The following HERC3 variants were observed in gnomAD, a reference collection of about 807,000 sequenced individuals.
HERC3 encodes probable E3 ubiquitin-protein ligase HERC3.
Under a neutral mutation model 129.9 loss-of-function variants are expected in HERC3, and 58 were observed. The observed-to-expected ratio is 0.45, with a 90% CI of 0.36 to 0.56. HERC3 has a LOEUF of 0.56. HERC3 is among the 20% of genes least tolerant of loss of function. HERC3 has a pLI of 0.00. For synonymous variants in HERC3, 430 were observed against 451.0 expected (o/e 0.95, Z 0.59); for missense variants, 835 against 1,244.2 (o/e 0.67, Z 4.95).
chr4:88,670,235 T>C lies in HERC3; in HGVS notation c.1894T>C (p.Leu632=). The C allele has an allele frequency of 6.2e-7, 1 of 1,609,160 alleles. No individual in the cohort carries two copies. Among genetic ancestry groups the C allele is most frequent in the Non-Finnish European group, 8.5e-7 (1 of 1,175,582 alleles). The change falls in exon 16 of 26, where the codon TTG becomes CTG. Residue 632 remains leucine (L), a synonymous_variant. Transcript: ENST00000402738. ...TCAGGAAGACTACCTCATGTGGTTC[T>C]TGCATCAAGCAGGGATGGTAAGAAT... ...DIQEDYLMWF[L]HQAGMKARPS...
chr4:88,671,316 T>C (rs1368156100), intron 16 of HERC3, among the ~76,000 whole-genome samples: 1 of 152,126 alleles, frequency 6.6e-6, no homozygotes, highest in African/African-American at 2.4e-5. Flanking sequence ...AGGGCAATAT[T>C]TTTCCTGTGG....
At chr4:88,558,097 A>C in the HERC3 span, among the ~76,000 whole-genome samples, 1 of 149,386 alleles carries the variant, frequency 6.7e-6, no homozygotes, top group Non-Finnish European at 1.5e-5. Flanking sequence ...AAAAAAAAAG[A>C]AAAAAAGAAC....
In HERC3 at chr4:88,664,205, G is replaced by C; in HGVS notation, c.1324G>C (p.Glu442Gln). 6.2e-7 allele frequency: 1 copy of C among 1,612,490 alleles called. No homozygotes were observed. The highest frequency in any genetic ancestry group is 8.5e-7 in the Non-Finnish European group (1 of 1,179,014). Residue 442 changes from glutamate (E) to glutamine (Q), a missense_variant, in exon 12 of 26, where the codon GAA becomes CAA. Transcript: ENST00000402738. ...SAACWNGSFL[E>Q]KKIDEHFKTS... Reference sequence around the variant, plus strand: ...AGCCTGTTGGAATGGAAGTTTTCTTGAAAAAAAGTAAGTGACTTAGAGCCT... The same window carrying C: ...AGCCTGTTGGAATGGAAGTTTTCTTCAAAAAAAGTAAGTGACTTAGAGCCT...
At chr4:88,548,658 T>C in the HERC3 span, among the ~76,000 whole-genome samples, 2 of 151,726 alleles carry the variant, frequency 1.3e-5, no homozygotes, top group Non-Finnish European at 2.9e-5. Flanking sequence ...CTGTGGGTCA[T>C]CTTTTCTTTT....
In HERC3 at chr4:88,672,284, CT is replaced by C. The variant is rs368173536; in HGVS notation, c.1911+2034del. 1.6e-3 allele frequency among the ~76,000 whole-genome samples: 251 copies of C among 152,258 alleles called. 1 individual carries two copies. In the South Asian group the frequency reaches 0.019, roughly 12 times the overall value. Reference sequence around the variant, plus strand: ...TAAGTAACTTTTACAATATTTTAAACTTCCTTTCTTTTAACATTTGATAAAT... The same window carrying C: ...TAAGTAACTTTTACAATATTTTAAACTCCTTTCTTTTAACATTTGATAAAT... On this transcript the variant is annotated intron_variant, in intron 16 of 25. Coordinates refer to ENST00000402738, the MANE Select transcript of HERC3 (RefSeq NM_014606.3).
intron 10 of HERC3, among the ~76,000 whole-genome samples, chr4:88,661,392 A>G (rs1254220992): frequency 1.3e-5 from 2 of 152,372 alleles, no homozygotes; most frequent in Admixed American, 6.5e-5. Flanking sequence ...CCTTCCTACC[A>G]TAATGATACG....
chr4:88,581,390 C>T, the HERC3 span, among the ~76,000 whole-genome samples: 1 of 151,646 alleles, frequency 6.6e-6, no homozygotes, highest in African/African-American at 2.4e-5. Flanking sequence ...AACTGCCTCC[C>T]AGGTTCAAGT....
At chr4:88,577,898 C>T in the HERC3 span, among the ~76,000 whole-genome samples, 1 of 152,126 alleles carries the variant, frequency 6.6e-6, no homozygotes, top group African/African-American at 2.4e-5. Context: ...CTTTAGAGAT[C>T]ATTAAATACA....
At chr4:88,598,845 G>A (rs571967467) in intron 2 of HERC3, among the ~76,000 whole-genome samples, 1 of 152,328 alleles carries the variant, frequency 6.6e-6, no homozygotes, top group Non-Finnish European at 1.5e-5. Flanking sequence ...ACTCAGGAAA[G>A]TGCCAGGTTG....
the HERC3 span, among the ~76,000 whole-genome samples, chr4:88,526,707 T>C: frequency 6.6e-6 from 1 of 152,086 alleles, no homozygotes; most frequent in African/African-American, 2.4e-5. Flanking sequence ...AGCTAATTTT[T>C]GTATTTTTTG....
the HERC3 span, among the ~76,000 whole-genome samples, chr4:88,531,607 T>A: frequency 6.6e-6 from 1 of 152,186 alleles, no homozygotes; most frequent in African/African-American, 2.4e-5. Context: ...AGATGAGCTG[T>A]TGCTCTCTCA....
chr4:88,641,534 A>G (rs1378175293), intron 3 of HERC3, among the ~76,000 whole-genome samples: 1 of 152,216 alleles, frequency 6.6e-6, no homozygotes, highest in Non-Finnish European at 1.5e-5. Context: ...CTTTGAAAAG[A>G]TCAATAAAAT....
At chr4:88,546,820 T>G in the HERC3 span, among the ~76,000 whole-genome samples, 1 of 152,232 alleles carries the variant, frequency 6.6e-6, no homozygotes, top group Non-Finnish European at 1.5e-5. Flanking sequence ...GAATCTAATG[T>G]ATTTAGCCTC....
the HERC3 span, among the ~76,000 whole-genome samples, chr4:88,552,704 A>G: frequency 4.6e-5 from 7 of 152,374 alleles, no homozygotes; most frequent in African/African-American, 1.2e-4. Context: ...ACACAACAGC[A>G]TAATAAAATC....
At chr4:88,532,187 A>C in the HERC3 span, among the ~76,000 whole-genome samples, 1 of 152,226 alleles carries the variant, frequency 6.6e-6, no homozygotes, top group South Asian at 2.1e-4. Context: ...ATAGATATCT[A>C]TATAGATATA....
chr4:88,704,863 C>CTTTCTTTCTTTTTTTT (rs1336673525), intron 25 of HERC3, among the ~76,000 whole-genome samples: 2 of 130,672 alleles, frequency 1.5e-5, no homozygotes, highest in African/African-American at 6.0e-5. Flanking sequence ...TTCTTTCTTT[C>CTTTCTTTCTTTTTTTT]TTTTTTTTTT....
chr4:88,693,757 A>G (rs1220392179), intron 23 of HERC3: 6 of 853,406 alleles, frequency 7.0e-6, no homozygotes, highest in Non-Finnish European at 8.5e-6. Context: ...AAGCATCGGC[A>G]TGCCAGTTTT....
intron 23 of HERC3, chr4:88,693,545 T>A (rs1032411197): frequency 8.4e-6 from 8 of 954,802 alleles, no homozygotes; most frequent in African/African-American, 1.8e-5. Context: ...AAAAAATGAA[T>A]TAACTAGAAG....
chr4:88,631,484 A>G (rs1240291658), intron 3 of HERC3, among the ~76,000 whole-genome samples: 6 of 152,216 alleles, frequency 3.9e-5, no homozygotes, highest in African/African-American at 7.2e-5. Flanking sequence ...ACTACTGTAA[A>G]TTCTTATCAT....
Sources: gnomAD v4.1 joint callset for allele counts (sites outside exome capture counted in the v4.1 genomes callset) on GRCh38, gnomAD v4.1.1 for gene constraint, MANE v1.5 for transcripts, NCBI Gene and HGNC (gene_info 2026-07-23, HGNC 2026-07-21) for gene names.